The following ASTN2 variants were observed in gnomAD, a reference collection of about 807,000 sequenced individuals.
ASTN2 encodes the protein astrotactin-2.
Under a neutral mutation model 139.8 loss-of-function variants are expected in ASTN2, and 54 were observed. That is an observed-to-expected ratio of 0.39 (90% CI 0.31 to 0.48). The LOEUF (loss-of-function observed/expected upper bound fraction) is 0.48, where lower values mean the gene tolerates loss of function less well. ASTN2 is among the 20% of genes least tolerant of loss of function. The pLI is 0.95. For missense variants in ASTN2, 1,565 were observed against 1,725.1 expected (o/e 0.91, Z 1.64); for synonymous variants, 756 against 719.5 (o/e 1.05, Z -0.81).
chr9:117,394,718 C>T (rs1038876547), intron 1 of ASTN2, among the ~76,000 whole-genome samples: 3 of 152,138 alleles, frequency 2.0e-5, no homozygotes, highest in African/African-American at 7.2e-5. Context: ...AGCTTATTTT[C>T]CGGACAGTAA....
intron 11 of ASTN2, among the ~76,000 whole-genome samples, chr9:116,834,779 G>A (rs535278158): frequency 1.3e-5 from 2 of 152,330 alleles, no homozygotes; most frequent in East Asian, 3.9e-4. Flanking sequence ...TGGGCACAGT[G>A]GCTTATGCCC....
intron 19 of ASTN2, among the ~76,000 whole-genome samples, chr9:116,552,528 A>G (rs1179906280): frequency 6.6e-6 from 1 of 152,220 alleles, no homozygotes; most frequent in Non-Finnish European, 1.5e-5. Context: ...GTATGCCTAC[A>G]GTCTAATAAC....
intron 2 of ASTN2, among the ~76,000 whole-genome samples, chr9:117,291,010 C>T (rs1404093546): frequency 6.6e-6 from 1 of 152,206 alleles, no homozygotes; most frequent in Non-Finnish European, 1.5e-5. Context: ...AACCTCAGCC[C>T]TCAGCAAAGC....
chr9:117,361,701 T>C (rs981571772), intron 1 of ASTN2, among the ~76,000 whole-genome samples: 3 of 152,128 alleles, frequency 2.0e-5, no homozygotes, highest in African/African-American at 7.2e-5. Context: ...TATAGTCTAA[T>C]AGAAAGCATA....
At chr9:116,618,976 A>G (rs1855990648) in intron 18 of ASTN2, among the ~76,000 whole-genome samples, 1 of 152,208 alleles carries the variant, frequency 6.6e-6, no homozygotes, top group Non-Finnish European at 1.5e-5. Context: ...ATTAAAGGTT[A>G]GAACTAGAAT....
intron 10 of ASTN2, among the ~76,000 whole-genome samples, chr9:116,922,274 C>A (rs1341380586): frequency 1.3e-5 from 2 of 152,124 alleles, no homozygotes; most frequent in South Asian, 2.1e-4. Context: ...AACATGTGTA[C>A]CCATAACAAA....
Position 116,805,709 on chromosome 9 carries a change from G to A in ASTN2, c.2319C>T (p.Leu773=). 6.2e-7 allele frequency: 1 copy of A among 1,613,976 alleles called. No individual in the cohort carries two copies. The highest frequency in any genetic ancestry group is 8.5e-7 in the Non-Finnish European group (1 of 1,179,864). ...LKPDSKFNDT[L]FGEMLHGYNN... ...TGTAACCATGTAGCATCTCTCCAAA[G>A]AGGGTATCATTGAATTTGGAGTCAG... Residue 773 remains leucine (L), a synonymous_variant, in exon 13 of 23, where the codon CTC becomes CTT. Transcript: ENST00000313400.
chr9:117,243,681 A>C (rs1833282097), intron 2 of ASTN2, among the ~76,000 whole-genome samples: 1 of 152,174 alleles, frequency 6.6e-6, no homozygotes, highest in African/African-American at 2.4e-5. Context: ...GCTAGAAAAT[A>C]GCAGAGCAGG....
chr9:117,209,539 C>T (rs985126061), intron 3 of ASTN2, among the ~76,000 whole-genome samples: 1 of 152,002 alleles, frequency 6.6e-6, no homozygotes, highest in African/African-American at 2.4e-5. Flanking sequence ...AACACCAGAA[C>T]ATCCTGATAC....
intron 7 of ASTN2, among the ~76,000 whole-genome samples, chr9:117,005,243 C>T (rs1206067142): frequency 1.0e-5 from 1 of 99,756 alleles, no homozygotes; most frequent in African/African-American, 3.0e-5. Context: ...TGCCACCAAG[C>T]CCAGCTATTT....
rs374213877 is a variant in ASTN2 at position 116,585,872 on chromosome 9, C to A, written c.3355+32452G>T. 30 of 152,172 alleles carry A rather than the reference C, an allele frequency of 2.0e-4. No homozygotes were observed. The East Asian group carries it at 5.2e-3, about 26-fold the overall frequency. The allele number at this position is 152,172 out of a possible 1,614,324, so 9.4% of individuals were successfully genotyped here. On this transcript the variant is annotated intron_variant, in intron 19 of 22. Coordinates refer to ENST00000313400, the MANE Select transcript of ASTN2 (RefSeq NM_001365068.1). Reference sequence around the variant, plus strand: ...AAAGAAATTATCAATAAACAGACAACCTACAGAATGAAAGAAAATATTCAA... The same window carrying A: ...AAAGAAATTATCAATAAACAGACAAACTACAGAATGAAAGAAAATATTCAA...
At chr9:117,369,738 G>C (rs1326280562) in intron 1 of ASTN2, among the ~76,000 whole-genome samples, 2 of 152,160 alleles carry the variant, frequency 1.3e-5, no homozygotes, top group African/African-American at 2.4e-5. Context: ...ATGAACACAT[G>C]AGTAAGTGAG....
intron 12 of ASTN2, among the ~76,000 whole-genome samples, chr9:116,812,868 T>C (rs148099587): frequency 6.6e-6 from 1 of 152,240 alleles, no homozygotes; most frequent in Admixed American, 6.5e-5. Flanking sequence ...GAAAAGATTG[T>C]GGCTTGCAGG....
intron 16 of ASTN2, among the ~76,000 whole-genome samples, chr9:116,719,983 C>T (rs891931114): frequency 4.7e-4 from 72 of 152,172 alleles, no homozygotes; most frequent in Admixed American, 3.9e-3. Context: ...CTAAGAACAA[C>T]TCCGTTCATA....
chr9:117,067,595 G>A (rs1479572148), intron 5 of ASTN2, among the ~76,000 whole-genome samples: 1 of 145,536 alleles, frequency 6.9e-6, no homozygotes, highest in Non-Finnish European at 1.5e-5. Context: ...AATTACCTTG[G>A]GCAGTATGGC....
chr9:117,064,128 A>C (rs1045134553), intron 5 of ASTN2, among the ~76,000 whole-genome samples: 1 of 151,930 alleles, frequency 6.6e-6, no homozygotes, highest in Non-Finnish European at 1.5e-5. Flanking sequence ...GGACGCGCTC[A>C]CAACGCAGAA....
At chr9:117,195,146 A>G (rs1831461422) in intron 3 of ASTN2, among the ~76,000 whole-genome samples, 1 of 152,234 alleles carries the variant, frequency 6.6e-6, no homozygotes, top group Non-Finnish European at 1.5e-5. Flanking sequence ...GTACTATTAC[A>G]AGAACAAATA....
chr9:117,019,135 C>A (rs551050669), intron 6 of ASTN2, among the ~76,000 whole-genome samples: 240 of 151,846 alleles, frequency 1.6e-3, no homozygotes, highest in African/African-American at 5.4e-3. Flanking sequence ...CTGAGCTTCT[C>A]ATGGTGGTAG....
intron 11 of ASTN2, among the ~76,000 whole-genome samples, chr9:116,834,306 C>A (rs1365197310): frequency 6.6e-6 from 1 of 152,078 alleles, no homozygotes; most frequent in African/African-American, 2.4e-5. Flanking sequence ...TTAACTAGAT[C>A]TTTTTTGTTG....
Sources: allele counts gnomAD v4.1 joint callset (sites outside exome capture counted in the v4.1 genomes callset), GRCh38; gene constraint gnomAD v4.1.1; transcripts MANE v1.5; gene names NCBI Gene and HGNC (gene_info 2026-07-23, HGNC 2026-07-21).